The following SLC22A24 variants were observed in gnomAD, a reference collection of about 807,000 sequenced individuals.
The protein encoded by SLC22A24 is steroid transmembrane transporter SLC22A24.
SLC22A24 carries 53 observed loss-of-function variants against 49.8 expected under a neutral mutation model. That is an observed-to-expected ratio of 1.06 (90% CI 0.85 to 1.34). The LOEUF is 1.34. Ranked by LOEUF, SLC22A24 falls within the 40% of genes most tolerant of loss-of-function variation. SLC22A24 has a pLI of 0.00. For missense variants in SLC22A24, 786 were observed against 675.9 expected, an observed-to-expected ratio of 1.16 and a Z score of -1.81; for synonymous variants, 302 against 256.4, an observed-to-expected ratio of 1.18 and a Z score of -1.70.
intron 1 of SLC22A24, among the ~76,000 whole-genome samples, chr11:63,140,092 T>TTG (rs2087405015): frequency 6.7e-6 from 1 of 148,792 alleles, no homozygotes; most frequent in Non-Finnish European, 1.5e-5. Flanking sequence ...TTTTTTGTTT[T>TTG]TTTTTTTTGA....
At chr11:63,122,938 AAAAC>A (rs1199626717) in intron 2 of SLC22A24, among the ~76,000 whole-genome samples, 4 of 152,174 alleles carry the variant, frequency 2.6e-5, no homozygotes, top group African/African-American at 7.2e-5. Context: ...CTATCTTCTC[AAAAC>A]ACCTATCATT....
chr11:63,135,782 C>G (rs765395469), intron 1 of SLC22A24, among the ~76,000 whole-genome samples: 44 of 152,258 alleles, frequency 2.9e-4, no homozygotes, highest in South Asian at 4.1e-4. Flanking sequence ...AGACAACTTG[C>G]AACATCAACA....
intron 1 of SLC22A24, 72 bp downstream of exon 1, chr11:63,143,306 C>A: frequency 7.6e-7 from 1 of 1,321,136 alleles, no homozygotes; most frequent in Non-Finnish European, 9.8e-7. Context: ...AGGTATAAAG[C>A]AAGTCAATTT....
chr11:63,114,044 G>A (rs530764903), intron 4 of SLC22A24, among the ~76,000 whole-genome samples: 36 of 152,058 alleles, frequency 2.4e-4, no homozygotes, highest in Middle Eastern at 3.4e-3. Flanking sequence ...GTGTGTCTTG[G>A]GGTTGCTCTT....
At chr11:63,108,206 C>T (rs11501653) in intron 4 of SLC22A24, among the ~76,000 whole-genome samples, 36,709 of 151,978 alleles carry the variant, frequency 0.24, 5,465 homozygotes, top group Admixed American at 0.32. Context: ...TGGTTTTTGT[C>T]ATTGGTTCTG....
intron 5 of SLC22A24, among the ~76,000 whole-genome samples, chr11:63,100,339 C>G (rs989857618): frequency 1.3e-5 from 2 of 151,676 alleles, no homozygotes; most frequent in Non-Finnish European, 2.9e-5. Context: ...AATAAAATAC[C>G]TAGGAATAAA....
chr11:63,095,982 G>A lies in SLC22A24; in HGVS notation c.1070+9C>T. On this transcript the variant is annotated intron_variant, in intron 6 of 9. Coordinates refer to ENST00000612278, the MANE Select transcript of SLC22A24 (RefSeq NM_001136506.2). ...ATTTTAAAGTGAATCATCACCAAAT[G>A]GAACTTACCTCACAAAGCACAGGCC... 1 of 1,533,748 alleles carries A rather than the reference G, an allele frequency of 6.5e-7. No homozygotes were observed. Among genetic ancestry groups the A allele is most frequent in the Non-Finnish European group, 8.8e-7 (1 of 1,132,016 alleles).
intron 6 of SLC22A24, among the ~76,000 whole-genome samples, chr11:63,095,747 T>C (rs989379279): frequency 1.3e-5 from 2 of 152,222 alleles, no homozygotes; most frequent in East Asian, 3.8e-4. Flanking sequence ...CACCATAATA[T>C]CCAGTGATAA....
chr11:63,119,473 T>C, intron 2 of SLC22A24, 138 bp from the exon 3 acceptor site: 2 of 810,980 alleles, frequency 2.5e-6, no homozygotes, highest in Admixed American at 3.2e-5. Flanking sequence ...GTGGCATAAT[T>C]ATATTAGTGA....
At chr11:63,095,889 A>G in intron 6 of SLC22A24, 102 bp downstream of exon 6, 3 of 818,866 alleles carry the variant, frequency 3.7e-6, no homozygotes, top group Non-Finnish European at 3.9e-6. Context: ...CTCTTCTCTT[A>G]TGTATTAAAT....
chr11:63,111,765 G>T (rs536516168), intron 4 of SLC22A24, among the ~76,000 whole-genome samples: 143 of 152,062 alleles, frequency 9.4e-4, no homozygotes, highest in African/African-American at 2.5e-3. Flanking sequence ...ACTTGCTAGT[G>T]GTCTATCAAT....
intron 5 of SLC22A24, among the ~76,000 whole-genome samples, chr11:63,098,331 T>A (rs1398008145): frequency 6.6e-6 from 1 of 152,158 alleles, no homozygotes; most frequent in African/African-American, 2.4e-5. Flanking sequence ...GTGGTACTAA[T>A]TGCAAATTTA....
chr11:63,081,143 T>C lies in SLC22A24; in HGVS notation c.1395-20A>G, dbSNP rs1205519266. On this transcript the variant is annotated intron_variant, in intron 8 of 9. Transcript: ENST00000612278. ...GTTGACCTTAGAGTGCAAATAACAA[T>C]ACAAAAAATCTTGTATGAATCTGTA... is the stretch of plus-strand genomic sequence containing the variant. 7 of 1,543,804 alleles carry C rather than the reference T, an allele frequency of 4.5e-6. No homozygotes were observed. Among genetic ancestry groups the C allele is most frequent in the Non-Finnish European group, 6.1e-6 (7 of 1,140,000 alleles).
chr11:63,129,575 C>A (rs1285450266), intron 2 of SLC22A24, among the ~76,000 whole-genome samples: 1 of 152,114 alleles, frequency 6.6e-6, no homozygotes, highest in Non-Finnish European at 1.5e-5. Flanking sequence ...GACAGTAGGA[C>A]CATTTTCATG....
chr11:63,109,988 G>A (rs1216010456), intron 4 of SLC22A24, among the ~76,000 whole-genome samples: 9 of 152,194 alleles, frequency 5.9e-5, no homozygotes, highest in East Asian at 1.9e-4. Flanking sequence ...TAGATCTAAC[G>A]TTTAAGTCTT....
chr11:63,085,086 A>G (rs191882300), intron 6 of SLC22A24, among the ~76,000 whole-genome samples: 1 of 152,256 alleles, frequency 6.6e-6, no homozygotes, highest in Admixed American at 6.5e-5. Flanking sequence ...TGTTTTCATG[A>G]TTAGGCCCTG....
chr11:63,109,510 T>G (rs2087146850), intron 4 of SLC22A24, among the ~76,000 whole-genome samples: 1 of 142,362 alleles, frequency 7.0e-6, no homozygotes, highest in Non-Finnish European at 1.5e-5. Flanking sequence ...CAGCACCTGT[T>G]GTTTCCTGAC....
intron 2 of SLC22A24, among the ~76,000 whole-genome samples, chr11:63,122,504 T>C (rs2087259105): frequency 6.6e-6 from 1 of 152,168 alleles, no homozygotes; most frequent in African/African-American, 2.4e-5. Context: ...AAGGTTTATG[T>C]GCATTTAAAC....
At chr11:63,103,562 C>T (rs1298602604) in intron 5 of SLC22A24, among the ~76,000 whole-genome samples, 1 of 151,966 alleles carries the variant, frequency 6.6e-6, no homozygotes, top group East Asian at 1.9e-4. Flanking sequence ...TTGAATGAGC[C>T]ACGTCAGGCT....
Sources: allele counts gnomAD v4.1 joint callset (sites outside exome capture counted in the v4.1 genomes callset), GRCh38; gene constraint gnomAD v4.1.1; transcripts MANE v1.5; gene names NCBI Gene and HGNC (gene_info 2026-07-23, HGNC 2026-07-21).